PSEN2: variants seen among roughly 807,000 people sequenced by gnomAD.
The protein encoded by PSEN2 is presenilin-2.
PSEN2 carries 32 observed loss-of-function variants against 49.1 expected under a neutral mutation model. The ratio of observed to expected loss-of-function variants is 0.65; its 90% CI spans 0.49 to 0.88. The LOEUF is 0.88. Ranked by LOEUF, PSEN2 falls within the 40% of genes least tolerant of loss-of-function variation. PSEN2 has a pLI of 0.00. For missense variants in PSEN2, 522 were observed against 586.9 expected (o/e 0.89, Z 1.14); for synonymous variants, 255 against 244.0 (o/e 1.05, Z -0.42).
At chr1:226,875,146 A>G (rs1660553369) in intron 2 of PSEN2, among the ~76,000 whole-genome samples, 1 of 152,112 alleles carries the variant, frequency 6.6e-6, no homozygotes, top group African/African-American at 2.4e-5. Flanking sequence ...GTGGTAGGGC[A>G]GTACCTCACT....
At chr1:226,898,195 T>A (rs1017401125), downstream of PSEN2, 1 of 152,286 alleles carries the variant, frequency 6.6e-6, no homozygotes, top group Non-Finnish European at 1.5e-5. Context: ...CTGCAGGTGA[T>A]CCACGCACCT....
At chr1:226,873,525 C>T (rs1461137411) in intron 2 of PSEN2, among the ~76,000 whole-genome samples, 1 of 152,120 alleles carries the variant, frequency 6.6e-6, no homozygotes, top group Non-Finnish European at 1.5e-5. Context: ...TAGCGACTCT[C>T]CTGCCTCAGC....
At position 226,882,002 on chromosome 1, in the gene PSEN2, A is replaced by G. The variant is rs1458154730; in HGVS notation, c.95A>G (p.Gln32Arg). 2 of 1,614,104 alleles carry G rather than the reference A, an allele frequency of 1.2e-6. No individual in the cohort carries two copies. The highest frequency in any genetic ancestry group is 8.5e-7 in the Non-Finnish European group (1 of 1,179,990). ...SAESPTPRSCQEGRQGPEDGE... is the reference protein window; with the variant it reads ...SAESPTPRSCREGRQGPEDGE... Reference sequence around the variant, plus strand: ...GAGAGCCCCACGCCGCGCTCCTGCCAGGAGGGCAGGCAGGGCCCAGAGGAT... The same window carrying G: ...GAGAGCCCCACGCCGCGCTCCTGCCGGGAGGGCAGGCAGGGCCCAGAGGAT... Residue 32 changes from glutamine to arginine, a missense_variant, in exon 4 of 13, where the codon CAG (glutamine) becomes CGG (arginine). By Grantham distance (43) the Gln-to-Arg change is conservative. Transcript: ENST00000366783.
At chr1:226,889,774 C>G (rs1661613580) in intron 8 of PSEN2, among the ~76,000 whole-genome samples, 1 of 152,216 alleles carries the variant, frequency 6.6e-6, no homozygotes. Context: ...GAATTGGAGG[C>G]TCAGAGAAGT....
chr1:226,883,640 G>A (rs182893958), intron 4 of PSEN2, 65 bp from the exon 5 acceptor site: 30 of 1,476,298 alleles, frequency 2.0e-5, no homozygotes, highest in Admixed American at 1.3e-4. Context: ...CCAAAAATCC[G>A]TGCATTACAT....
intron 2 of PSEN2, among the ~76,000 whole-genome samples, chr1:226,871,762 CG>C (rs1410958235): frequency 1.3e-5 from 2 of 152,204 alleles, no homozygotes. Context: ...AGACCTTTGG[CG>C]GTAATTGGAG....
chr1:226,886,899 C>T (rs995670201), intron 6 of PSEN2, among the ~76,000 whole-genome samples: 13 of 152,140 alleles, frequency 8.5e-5, no homozygotes, highest in African/African-American at 2.9e-4. Flanking sequence ...CCCAGGAGTT[C>T]AAGTCTAGCC....
At chr1:226,884,529 T>C (rs1354602960) in intron 5 of PSEN2, 1 of 149,412 alleles carries the variant, frequency 6.7e-6, no homozygotes, top group Non-Finnish European at 1.5e-5. Context: ...GCTAAGCACC[T>C]TCTGTAAACT....
In PSEN2 at chr1:226,883,976, G is replaced by T. The variant is rs1661179237; in HGVS notation, c.356+57G>T. 11 of 1,271,610 alleles carry T rather than the reference G, an allele frequency of 8.7e-6. No homozygotes were observed. In the South Asian group the frequency reaches 1.0e-4, roughly 12 times the overall value. The allele number at this position is 1,271,610 out of a possible 1,614,324, so 78.8% of individuals were successfully genotyped here. A position where few individuals can be genotyped will look rare whatever the true frequency, so the allele number is the denominator to read the frequency against. On this transcript the variant is annotated intron_variant, in intron 5 of 12. Coordinates refer to ENST00000366783, the MANE Select transcript of PSEN2 (RefSeq NM_000447.3). ...GGTGAGGGCTGAGTTGCCAGGGGGT[G>T]GGGGGCGCAGCAGCCTGTGTTGGTC...
At chr1:226,896,796 G>T (rs114845682), downstream of PSEN2, among the ~76,000 whole-genome samples, 1,698 of 152,194 alleles carry the variant, frequency 0.011, 36 homozygotes, top group African/African-American at 0.039. Flanking sequence ...AGGAGGCTGA[G>T]GCTGCAATGA....
intron 6 of PSEN2, among the ~76,000 whole-genome samples, chr1:226,886,381 G>A (rs1661365591): frequency 6.6e-6 from 1 of 152,150 alleles, no homozygotes; most frequent in African/African-American, 2.4e-5. Context: ...CTGAGGTCTT[G>A]CAGCCCTGGG....
In PSEN2 at chr1:226,877,989, C is replaced by A. The variant is rs549710509; in HGVS notation, c.-21+2439C>A. On this transcript the variant is annotated intron_variant, in intron 3 of 12. Transcript: ENST00000366783. The stretch of plus-strand genomic sequence containing the variant: ...ACATGGAAAGGGTATGGTCCTTTAA[C>A]CCTACCCTCCCCAGCACAACTATCA... 1.1e-4 allele frequency among the ~76,000 whole-genome samples: 17 copies of A among 152,270 alleles called. No individual in the cohort carries two copies. In the East Asian group the frequency reaches 3.3e-3, roughly 29 times the overall value.
rs199714082 is a variant in PSEN2 at position 226,894,064 on chromosome 1, C to T, written c.1130C>T (p.Ala377Val). The change falls in exon 12 of 13, where the codon GCG becomes GTG. Residue 377 changes from alanine to valine, a missense_variant. Ala to Val is a moderately conservative substitution (Grantham distance 64). Transcript: ENST00000366783. ...FIFYSVLVGK[A>V]AATGSGDWNT... ...TTCTACAGTGTGCTGGTGGGCAAGG[C>T]GGCTGCCACGGGCAGCGGGGACTGG... 5.5e-5 allele frequency: 89 copies of T among 1,614,046 alleles called. No individual in the cohort carries two copies. In the Middle Eastern group the frequency reaches 6.6e-4, roughly 12 times the overall value.
Position 226,895,476 on chromosome 1 carries a change from C to T in PSEN2, c.1244C>T (p.Ala415Val). The change falls in exon 13 of 13, where the codon GCC becomes GTC. Residue 415 changes from alanine (A) to valine (V), a missense_variant. Physicochemically the swap from Ala to Val is moderately conservative, Grantham distance 64 (BLOSUM62 0). Transcript: ENST00000366783. ...GCTGTGTTCAAGAAGGCGCTGCCCG[C>T]CCTCCCCATCTCCATCACGTTCGGG... ...LLAVFKKALP[A>V]LPISITFGLI... The T allele has an allele frequency of 1.2e-6, 2 of 1,614,052 alleles. No individual in the cohort carries two copies. The highest frequency in any genetic ancestry group is 2.2e-5 in the East Asian group (1 of 44,858).
intron 4 of PSEN2, among the ~76,000 whole-genome samples, chr1:226,883,137 C>T (rs1022506625): frequency 2.0e-5 from 3 of 152,192 alleles, no homozygotes; most frequent in Non-Finnish European, 2.9e-5. Context: ...CCAGAGCCTG[C>T]GTCTTCTCAG....
chr1:226,902,892 C>T (rs543747566), intron 12 of PSEN2, among the ~76,000 whole-genome samples: 8 of 152,326 alleles, frequency 5.3e-5, no homozygotes, highest in Non-Finnish European at 7.3e-5. Context: ...CTGCCTACCC[C>T]ACCCTCCAGT....
At chr1:226,888,704 G>A in intron 7 of PSEN2, 125 bp from the exon 8 acceptor site, 1 of 837,928 alleles carries the variant, frequency 1.2e-6, no homozygotes, top group Non-Finnish European at 2.0e-6. Flanking sequence ...TAAATTGTAA[G>A]GACAGTGAAG....
intron 9 of PSEN2, 58 bp from the exon 10 acceptor site, chr1:226,891,220 C>T (rs1661718234): frequency 2.0e-6 from 3 of 1,496,176 alleles, no homozygotes; most frequent in Admixed American, 1.8e-5. Flanking sequence ...CTCCCCCAGG[C>T]CCTGCAGGCA....
chr1:226,890,226 T>C, intron 9 of PSEN2, 93 bp downstream of exon 9: 2 of 1,063,094 alleles, frequency 1.9e-6, no homozygotes, highest in Non-Finnish European at 2.9e-6. Context: ...GCTTTCAGAG[T>C]TGACTGGGCG....
Sources: allele counts gnomAD v4.1 joint callset (sites outside exome capture counted in the v4.1 genomes callset), GRCh38; gene constraint gnomAD v4.1.1; transcripts MANE v1.5; gene names NCBI Gene and HGNC (gene_info 2026-07-23, HGNC 2026-07-21).